Variants in LHFPL6 observed in about 807,000 individuals in gnomAD.
The protein encoded by LHFPL6 is LHFPL tetraspan subfamily member 6.
A neutral mutation model predicts 20.6 loss-of-function variants in LHFPL6; 9 were observed. The observed-to-expected ratio is 0.44, with a 90% CI of 0.26 to 0.76. The LOEUF is 0.76. LHFPL6 is among the 30% of genes least tolerant of loss of function. The probability of loss-of-function intolerance (pLI) is 0.20; values close to 1 mark genes in which losing one functional copy is unlikely to be tolerated. For missense variants in LHFPL6, 218 were observed against 253.5 expected (o/e 0.86, Z 0.95); for synonymous variants, 105 against 98.7 (o/e 1.06, Z -0.38).
chr13:39,534,134 A>G (rs1316362555), intron 2 of LHFPL6, among the ~76,000 whole-genome samples: 1 of 152,220 alleles, frequency 6.6e-6, no homozygotes, highest in Non-Finnish European at 1.5e-5. Flanking sequence ...GTTTTTTACC[A>G]TGAAACTAAC....
intron 2 of LHFPL6, among the ~76,000 whole-genome samples, chr13:39,462,403 C>T (rs1263560052): frequency 5.3e-5 from 8 of 152,178 alleles, no homozygotes. Flanking sequence ...GTGTGTGTTA[C>T]TGTATCTCAC....
intron 2 of LHFPL6, among the ~76,000 whole-genome samples, chr13:39,449,337 C>T (rs536597705): frequency 3.9e-5 from 6 of 152,212 alleles, no homozygotes; most frequent in East Asian, 1.9e-4. Context: ...TTTACTTATA[C>T]GGTTATAAAA....
At chr13:39,380,279 G>C (rs377135155) in intron 2 of LHFPL6, among the ~76,000 whole-genome samples, 11 of 152,108 alleles carry the variant, frequency 7.2e-5, no homozygotes, top group African/African-American at 1.9e-4. Context: ...ATGCAGAAAG[G>C]CATCTGGACA....
intron 3 of LHFPL6, among the ~76,000 whole-genome samples, chr13:39,347,061 C>T (rs570355090): frequency 4.5e-4 from 51 of 112,240 alleles, no homozygotes; most frequent in African/African-American, 1.4e-3. Context: ...GCCTGGATGG[C>T]AGAATAAAAC....
At chr13:39,591,656 G>A (rs1333784580) in intron 2 of LHFPL6, among the ~76,000 whole-genome samples, 1 of 152,172 alleles carries the variant, frequency 6.6e-6, no homozygotes, top group East Asian at 1.9e-4. Context: ...TGGACCATCT[G>A]TGTCTAGAAC....
In LHFPL6 at chr13:39,601,041, C is replaced by T. The variant is rs1168229449; in HGVS notation, c.176G>A (p.Arg59Gln). 10 of 1,614,176 alleles carry T rather than the reference C, an allele frequency of 6.2e-6. 1 individual carries two copies. The highest frequency in any genetic ancestry group is 4.4e-5 in the South Asian group (4 of 91,080). ...TTCCTCCACCATCACCATCATCTGC[C>T]GACTCTCATCATGCACAGGATATGA... ...RCSYPVHDES[R>Q]QMMVMVEECG... Residue 59 changes from arginine (R) to glutamine (Q), a missense_variant, in exon 2 of 4, where the codon CGG becomes CAG. Transcript: ENST00000379589.
At chr13:39,520,324 G>A (rs922800519) in intron 2 of LHFPL6, among the ~76,000 whole-genome samples, 6 of 152,102 alleles carry the variant, frequency 3.9e-5, no homozygotes, top group African/African-American at 7.2e-5. Flanking sequence ...TGTGGCCCTC[G>A]GTGATTGCTC....
intron 2 of LHFPL6, among the ~76,000 whole-genome samples, chr13:39,555,935 G>A (rs999030668): frequency 6.6e-6 from 1 of 152,160 alleles, no homozygotes; most frequent in Admixed American, 6.5e-5. Context: ...TTGGTGGTAA[G>A]TGAGTTCTCA....
chr13:39,538,487 A>G (rs1204140243), intron 2 of LHFPL6, among the ~76,000 whole-genome samples: 1 of 147,354 alleles, frequency 6.8e-6, no homozygotes, highest in Non-Finnish European at 1.5e-5. Context: ...GCAACATACT[A>G]GATGACACCA....
At chr13:39,356,968 G>A (rs909659211) in intron 3 of LHFPL6, among the ~76,000 whole-genome samples, 2 of 152,242 alleles carry the variant, frequency 1.3e-5, no homozygotes, top group East Asian at 1.9e-4. Flanking sequence ...TCAGAAGTTC[G>A]AGACCACCTT....
chr13:39,552,588 T>C (rs1357851573), intron 2 of LHFPL6, among the ~76,000 whole-genome samples: 1 of 152,230 alleles, frequency 6.6e-6, no homozygotes, highest in Non-Finnish European at 1.5e-5. Context: ...GCGTAATATT[T>C]TCACTGTGGG....
chr13:39,593,140 G>C (rs1010407259), intron 2 of LHFPL6, among the ~76,000 whole-genome samples: 3 of 152,102 alleles, frequency 2.0e-5, no homozygotes, highest in African/African-American at 7.2e-5. Context: ...GGCAGGAGAA[G>C]GAAATAAAGG....
intron 2 of LHFPL6, among the ~76,000 whole-genome samples, chr13:39,569,982 A>C (rs1871862741): frequency 6.6e-6 from 1 of 152,198 alleles, no homozygotes; most frequent in African/African-American, 2.4e-5. Flanking sequence ...GTGGAAGAAA[A>C]GGAAATTCTT....
intron 2 of LHFPL6, among the ~76,000 whole-genome samples, chr13:39,548,300 C>A (rs1026824053): frequency 2.0e-5 from 3 of 152,144 alleles, no homozygotes; most frequent in Admixed American, 6.5e-5. Flanking sequence ...ACTGTGTCCC[C>A]TTATGGTTGT....
intron 2 of LHFPL6, among the ~76,000 whole-genome samples, chr13:39,438,009 C>A (rs889939664): frequency 6.6e-6 from 1 of 151,978 alleles, no homozygotes; most frequent in Non-Finnish European, 1.5e-5. Context: ...GAGGCTAGAA[C>A]CATTTGGGAG....
intron 2 of LHFPL6, among the ~76,000 whole-genome samples, chr13:39,577,174 C>T (rs544913160): frequency 2.0e-5 from 3 of 152,136 alleles, no homozygotes; most frequent in Non-Finnish European, 4.4e-5. Flanking sequence ...AAAACTTTAA[C>T]AAAAATTTCA....
At chr13:39,599,934 A>G (rs1050620916) in intron 2 of LHFPL6, among the ~76,000 whole-genome samples, 1 of 152,178 alleles carries the variant, frequency 6.6e-6, no homozygotes, top group African/African-American at 2.4e-5. Flanking sequence ...CAGGCTTCCT[A>G]TTTCCCTTCA....
At chr13:39,524,291 G>A (rs554558287) in intron 2 of LHFPL6, among the ~76,000 whole-genome samples, 2 of 152,016 alleles carry the variant, frequency 1.3e-5, no homozygotes, top group African/African-American at 2.4e-5. Flanking sequence ...AGGGTTTTGG[G>A]GGTTTTGTTT....
At position 39,550,915 on chromosome 13, in the gene LHFPL6, A is replaced by G. The variant is rs574827371; in HGVS notation, c.385+49917T>C. 2.1e-3 allele frequency among the ~76,000 whole-genome samples: 324 copies of G among 152,288 alleles called. 4 individuals carry two copies. Among genetic ancestry groups the G allele is most frequent in the African/African-American group, 7.1e-3 (293 of 41,524 alleles). The stretch of plus-strand genomic sequence containing the variant: ...TTAAATCAGAAAAATTGTGAAATAC[A>G]GAAAGTTTGCAAGAATCAGAATAGT... On this transcript the variant is annotated intron_variant, in intron 2 of 3. Transcript: ENST00000379589.
Sources: gnomAD v4.1 joint callset for allele counts (sites outside exome capture counted in the v4.1 genomes callset) on GRCh38, gnomAD v4.1.1 for gene constraint, MANE v1.5 for transcripts, NCBI Gene and HGNC (gene_info 2026-07-23, HGNC 2026-07-21) for gene names.